Variants in FRMD3 observed in about 807,000 individuals in gnomAD.
FRMD3 encodes the protein FERM domain-containing protein 3.
A neutral mutation model predicts 70.2 loss-of-function variants in FRMD3; 33 were observed. That is an observed-to-expected ratio of 0.47 (90% CI 0.36 to 0.63). The LOEUF (loss-of-function observed/expected upper bound fraction) is 0.63. Among genes scored for constraint, FRMD3 ranks in the 20% least tolerant of loss-of-function variants. The pLI is 0.00. For synonymous variants in FRMD3, 279 were observed against 255.9 expected, an observed-to-expected ratio of 1.09 and a Z score of -0.86; for missense variants, 632 against 711.4, an observed-to-expected ratio of 0.89 and a Z score of 1.27.
At chr9:83,404,543 T>TA (rs1472347884) in intron 1 of FRMD3, among the ~76,000 whole-genome samples, 3 of 152,214 alleles carry the variant, frequency 2.0e-5, no homozygotes, top group Non-Finnish European at 4.4e-5. Context: ...AAATGCATGC[T>TA]AAAAATGGGT....
intron 2 of FRMD3, among the ~76,000 whole-genome samples, chr9:83,384,796 A>C (rs906264848): frequency 6.6e-6 from 1 of 152,210 alleles, no homozygotes; most frequent in Non-Finnish European, 1.5e-5. Flanking sequence ...GTGTGAGTCA[A>C]AATCAGAAAA....
intron 4 of FRMD3, among the ~76,000 whole-genome samples, chr9:83,348,798 A>T (rs1205701460): frequency 6.6e-6 from 1 of 152,172 alleles, no homozygotes; most frequent in Admixed American, 6.5e-5. Context: ...TTAATAATAG[A>T]GAGCAGAACC....
At chr9:83,507,449 C>CCT (rs1829211512) in intron 1 of FRMD3, among the ~76,000 whole-genome samples, 1 of 148,394 alleles carries the variant, frequency 6.7e-6, no homozygotes. Context: ...GGGTGGATCA[C>CCT]AAGGTCAGGA....
At chr9:83,556,807 T>C in the FRMD3 span, among the ~76,000 whole-genome samples, 2 of 152,060 alleles carry the variant, frequency 1.3e-5, no homozygotes, top group African/African-American at 4.8e-5. Context: ...TATATGAGGA[T>C]TGTGATATTT....
At chr9:83,312,079 G>C in intron 7 of FRMD3, 104 bp from the exon 8 acceptor site, 6 of 812,588 alleles carry the variant, frequency 7.4e-6, no homozygotes, top group Non-Finnish European at 1.1e-5. Flanking sequence ...GTTAATTTTA[G>C]ACTAATCCCA....
Position 83,484,710 on chromosome 9 carries a change from G to A in FRMD3, c.147+53375C>T, listed in dbSNP as rs958817312. ...TGGGATTACATGTGTGAGCCACTGTGCCCAGCCTGTGTTGCCAATTTTAAG... is the reference window on the plus strand; with the variant it reads ...TGGGATTACATGTGTGAGCCACTGTACCCAGCCTGTGTTGCCAATTTTAAG... On this transcript the variant is annotated intron_variant, in intron 1 of 13. Coordinates refer to ENST00000304195, the MANE Select transcript of FRMD3 (RefSeq NM_174938.6). 1.1e-4 allele frequency among the ~76,000 whole-genome samples: 17 copies of A among 152,300 alleles called. No individual in the cohort carries two copies. In the East Asian group the frequency reaches 1.5e-3, roughly 14 times the overall value.
chr9:83,396,279 T>C (rs1825808948), intron 1 of FRMD3, among the ~76,000 whole-genome samples: 3 of 152,234 alleles, frequency 2.0e-5, no homozygotes, highest in Admixed American at 2.0e-4. Flanking sequence ...GAAGGAGCAC[T>C]GGGTTACCCA....
chr9:83,311,801 C>CT, intron 8 of FRMD3, 86 bp downstream of exon 8: 1 of 916,960 alleles, frequency 1.1e-6, no homozygotes, highest in South Asian at 1.4e-5. Flanking sequence ...GGCATTCTAC[C>CT]TGACACTTGC....
intron 1 of FRMD3, among the ~76,000 whole-genome samples, chr9:83,501,701 A>G (rs1305017018): frequency 6.6e-6 from 1 of 152,206 alleles, no homozygotes; most frequent in Non-Finnish European, 1.5e-5. Flanking sequence ...CTAGGTAACA[A>G]GATGATTGGT....
At chr9:83,335,686 T>C in intron 5 of FRMD3, 47 bp from the exon 6 acceptor site, 3 of 1,580,756 alleles carry the variant, frequency 1.9e-6, no homozygotes, top group Non-Finnish European at 2.6e-6. Flanking sequence ...TTAAAAACAA[T>C]AACATGAGCA....
intron 2 of FRMD3, among the ~76,000 whole-genome samples, chr9:83,388,832 A>G (rs1273555523): frequency 6.6e-6 from 1 of 151,920 alleles, no homozygotes; most frequent in African/African-American, 2.4e-5. Context: ...TAAAATGCAC[A>G]TTTTGGTGGC....
chr9:83,449,716 C>T (rs991576755), intron 1 of FRMD3, among the ~76,000 whole-genome samples: 1 of 152,182 alleles, frequency 6.6e-6, no homozygotes, highest in Non-Finnish European at 1.5e-5. Context: ...CAGCTCTAGA[C>T]TCATGTTTGT....
chr9:83,521,694 GA>G (rs1829574951), intron 1 of FRMD3, among the ~76,000 whole-genome samples: 1 of 152,148 alleles, frequency 6.6e-6, no homozygotes, highest in Non-Finnish European at 1.5e-5. Context: ...TCCAGACTCT[GA>G]CCCCCACTCC....
chr9:83,279,303 T>C (rs968110109), intron 13 of FRMD3: 2 of 152,180 alleles, frequency 1.3e-5, no homozygotes, highest in African/African-American at 4.8e-5. Context: ...TGTTATTAAT[T>C]TTCAATTTTA....
intron 13 of FRMD3, among the ~76,000 whole-genome samples, chr9:83,283,547 AATAATAATAAT>A (rs1483130745): frequency 0.012 from 132 of 10,772 alleles, 1 homozygote; most frequent in Admixed American, 0.05. Context: ...AAAAAAAAAA[AATAATAATAAT>A]AATAATAATA....
chr9:83,394,783 G>A (rs1044631314), intron 1 of FRMD3, among the ~76,000 whole-genome samples: 2 of 152,032 alleles, frequency 1.3e-5, no homozygotes, highest in Non-Finnish European at 1.5e-5. Flanking sequence ...TGTCAGAAAA[G>A]TCCACCTCTC....
At chr9:83,265,713 G>A (rs1833225508) in intron 13 of FRMD3, among the ~76,000 whole-genome samples, 1 of 152,166 alleles carries the variant, frequency 6.6e-6, no homozygotes, top group African/African-American at 2.4e-5. Flanking sequence ...CAACCATTTT[G>A]CAAAACTTTT....
chr9:83,435,167 C>T (rs908645396), intron 1 of FRMD3, among the ~76,000 whole-genome samples: 22 of 152,118 alleles, frequency 1.4e-4, no homozygotes, highest in African/African-American at 4.3e-4. Context: ...AGTGTTTCTC[C>T]AGCTCTGCAG....
intron 1 of FRMD3, among the ~76,000 whole-genome samples, chr9:83,487,352 C>T (rs964336511): frequency 1.3e-5 from 2 of 152,150 alleles, no homozygotes; most frequent in Admixed American, 6.5e-5. Flanking sequence ...TTCCCTCCCC[C>T]AAAAAACAGC....
Sources: allele counts gnomAD v4.1 joint callset (sites outside exome capture counted in the v4.1 genomes callset), GRCh38; gene constraint gnomAD v4.1.1; transcripts MANE v1.5; gene names NCBI Gene and HGNC (gene_info 2026-07-23, HGNC 2026-07-21).